CBFA2T3: variants seen among roughly 807,000 people sequenced by gnomAD.
The protein encoded by CBFA2T3 is CBFA2/RUNX1 partner transcriptional co-repressor 3.
In CBFA2T3, 31 loss-of-function variants were observed where a neutral mutation model predicts 58.6. The observed-to-expected ratio is 0.53, with a 90% CI of 0.40 to 0.71. The LOEUF is 0.71. Among genes scored for constraint, CBFA2T3 ranks in the 30% least tolerant of loss-of-function variants. The pLI, the probability that CBFA2T3 is intolerant of heterozygous loss-of-function variation, is 0.00. For missense variants in CBFA2T3, 1,076 were observed against 963.1 expected (o/e 1.12, Z -1.55); for synonymous variants, 531 against 421.9 (o/e 1.26, Z -3.17).
chr16:88,903,632 T>C (rs4995274), intron 1 of CBFA2T3, among the ~76,000 whole-genome samples: 52,931 of 131,032 alleles, frequency 0.4, 10,898 homozygotes, highest in African/African-American at 0.56. Flanking sequence ...TGTGGCAGGG[T>C]GTTCCTGTGG....
chr16:88,905,887 T>C (rs1014770803), intron 1 of CBFA2T3, among the ~76,000 whole-genome samples: 1 of 151,818 alleles, frequency 6.6e-6, no homozygotes, highest in African/African-American at 2.4e-5. Flanking sequence ...AGGAGACCCA[T>C]GGCTGCCCTG....
chr16:88,927,634 G>C (rs1312052461), intron 1 of CBFA2T3, among the ~76,000 whole-genome samples: 1 of 152,196 alleles, frequency 6.6e-6, no homozygotes. Context: ...CTGGGGCTAG[G>C]CTGCAGCTGT....
At position 88,876,854 on chromosome 16, in the gene CBFA2T3, A is replaced by G. The variant is rs1463378251; in HGVS notation, c.*122T>C. ...CAGTGACTAATTGGTCGGCTCCCCC[A>G]GGTCAGGCGGGGCGCAGTGTCTGGC... is the stretch of plus-strand genomic sequence containing the variant. On this transcript the variant is annotated 3_prime_UTR_variant, in exon 12 of 12. Coordinates refer to ENST00000268679, the MANE Select transcript of CBFA2T3 (RefSeq NM_005187.6). 2.6e-6 allele frequency: 2 copies of G among 759,264 alleles called. No homozygotes were observed. Among genetic ancestry groups the G allele is most frequent in the Non-Finnish European group, 3.9e-6 (2 of 514,894 alleles). The allele number at this position is 759,264 out of a possible 1,614,324, so 47.0% of individuals were successfully genotyped here. A position where few individuals can be genotyped will look rare whatever the true frequency, so the allele number is the denominator to read the frequency against.
chr16:88,975,505 C>T (rs4782487), intron 1 of CBFA2T3, among the ~76,000 whole-genome samples: 113,911 of 152,270 alleles, frequency 0.75, 44,039 homozygotes, highest in East Asian at 0.96. Flanking sequence ...AGGAAGCACC[C>T]GGCCCAAGGC....
At chr16:88,919,266 G>C (rs7190114) in intron 1 of CBFA2T3, among the ~76,000 whole-genome samples, 44 of 152,150 alleles carry the variant, frequency 2.9e-4, no homozygotes, top group African/African-American at 1.1e-3. Context: ...AATGGAAACC[G>C]GACACAGCAG....
Position 88,976,926 on chromosome 16 carries a change from C to T in CBFA2T3, c.-119G>A, listed in dbSNP as rs1385840634. On this transcript the variant is annotated 5_prime_UTR_variant, in exon 1 of 12. Coordinates refer to ENST00000268679, the MANE Select transcript of CBFA2T3 (RefSeq NM_005187.6). The stretch of plus-strand genomic sequence containing the variant: ...GAGGGGCTGGGCCAGCTGGGGCGTC[C>T]TGGAGTTGGGCCTCTGTCCCTGGAA... 2 of 1,295,760 alleles carry T rather than the reference C, an allele frequency of 1.5e-6. No individual in the cohort carries two copies. Among genetic ancestry groups the T allele is most frequent in the African/African-American group, 3.0e-5 (2 of 67,338 alleles). 80.3% of individuals were successfully genotyped at this position (1,295,760 alleles called of 1,614,324 possible).
rs532605585 is a variant in CBFA2T3 at position 88,882,730 on chromosome 16, G to A, written c.1149C>T (p.Ile383=). 3.0e-4 allele frequency: 482 copies of A among 1,588,870 alleles called. 8 individuals carry two copies. In the South Asian group the frequency reaches 4.3e-3, roughly 14 times the overall value. The change falls in exon 8 of 12, where the codon ATC becomes ATT. Residue 383 remains isoleucine, a synonymous_variant. Transcript: ENST00000268679. The part of the protein sequence containing the change: ...VVPGSRQEEV[I]DHKLTEREWA... ...ACTCACGCTCTGTGAGCTTGTGGTC[G>A]ATCACTTCTTCCTGCCGGGACCCAG...
At chr16:88,913,291 C>T (rs764893703) in intron 1 of CBFA2T3, among the ~76,000 whole-genome samples, 23 of 152,336 alleles carry the variant, frequency 1.5e-4, no homozygotes, top group South Asian at 1.4e-3. Context: ...CTGGACTGAC[C>T]GTGGCTGACC....
At position 88,876,973 on chromosome 16, in the gene CBFA2T3, G is replaced by A; in HGVS notation, c.*3C>T. The A allele has an allele frequency of 7.0e-7, 1 of 1,427,424 alleles. No individual in the cohort carries two copies. The highest frequency in any genetic ancestry group is 9.1e-7 in the Non-Finnish European group (1 of 1,096,240). The allele number at this position is 1,427,424 out of a possible 1,614,324, so 88.4% of individuals were successfully genotyped here. A position where few individuals can be genotyped will look rare whatever the true frequency, so the allele number is the denominator to read the frequency against. ...GTGTCCGGCAGGCCAGGGGCCAGTGGGGTCAGCGGGGCACGGTGTCCAGTG... is the reference window on the plus strand; with the variant it reads ...GTGTCCGGCAGGCCAGGGGCCAGTGAGGTCAGCGGGGCACGGTGTCCAGTG... On this transcript the variant is annotated 3_prime_UTR_variant, in exon 12 of 12. Coordinates refer to ENST00000268679, the MANE Select transcript of CBFA2T3 (RefSeq NM_005187.6).
intron 3 of CBFA2T3, among the ~76,000 whole-genome samples, chr16:88,896,475 A>G (rs910039305): frequency 6.6e-6 from 1 of 152,156 alleles, no homozygotes; most frequent in Admixed American, 6.5e-5. Context: ...ACGCTGACAC[A>G]GGATGCACCG....
intron 2 of CBFA2T3, among the ~76,000 whole-genome samples, chr16:88,899,604 C>A (rs1356332223): frequency 6.6e-6 from 1 of 152,128 alleles, no homozygotes; most frequent in African/African-American, 2.4e-5. Flanking sequence ...GCCCGACGCT[C>A]TGCTGATCCC....
chr16:88,891,977 G>A lies in CBFA2T3; in HGVS notation c.622-6C>T, dbSNP rs188155102. 4.3e-6 allele frequency: 7 copies of A among 1,611,120 alleles called. No homozygotes were observed. Among genetic ancestry groups the A allele is most frequent in the African/African-American group, 1.3e-5 (1 of 75,004 alleles). On this transcript the variant is annotated splice_region_variant and splice_polypyrimidine_tract_variant and intron_variant, in intron 4 of 11. Coordinates refer to ENST00000268679, the MANE Select transcript of CBFA2T3 (RefSeq NM_005187.6). ...TCGATCGTCAATGTCGAGTTCTGCA[G>A]GGGAGAAAACCCACCTCACATCAGC... is the stretch of plus-strand genomic sequence containing the variant.
intron 1 of CBFA2T3, among the ~76,000 whole-genome samples, chr16:88,974,576 T>C (rs1013372796): frequency 2.6e-5 from 4 of 152,192 alleles, no homozygotes; most frequent in African/African-American, 7.2e-5. Flanking sequence ...AGTACGCCTT[T>C]GGTCTAAAGA....
chr16:88,966,917 G>A (rs146636353), intron 1 of CBFA2T3, among the ~76,000 whole-genome samples: 83 of 152,338 alleles, frequency 5.4e-4, no homozygotes, highest in African/African-American at 1.9e-3. Context: ...TGGAAGCCCA[G>A]GATGAGAACT....
In CBFA2T3 at chr16:88,885,358, G is replaced by C; in HGVS notation, c.894-89C>G. 1.1e-6 allele frequency: 1 copy of C among 878,908 alleles called. No individual in the cohort carries two copies. Among genetic ancestry groups the C allele is most frequent in the Non-Finnish European group, 1.7e-6 (1 of 604,270 alleles). 54.4% of individuals were successfully genotyped at this position (878,908 alleles called of 1,614,324 possible). A position where few individuals can be genotyped will look rare whatever the true frequency, so the allele number is the denominator to read the frequency against. ...GGTGGGGTGAGAGGCAGACAGGCAA[G>C]GGCAGAGAGAAAGAGGACACGTAAG... On this transcript the variant is annotated intron_variant, in intron 6 of 11. Coordinates refer to ENST00000268679, the MANE Select transcript of CBFA2T3 (RefSeq NM_005187.6). This position sits in a 1 kb window ranked among gnomAD's most constrained non-coding sequence, Gnocchi z 5.3.
Position 88,905,590 on chromosome 16 carries a change from C to A in CBFA2T3, c.152-3934G>T, listed in dbSNP as rs545510230. 2.7e-3 allele frequency among the ~76,000 whole-genome samples: 406 copies of A among 151,328 alleles called. 1 individual carries two copies. Among genetic ancestry groups the A allele is most frequent in the African/African-American group, 9.0e-3 (372 of 41,138 alleles). On this transcript the variant is annotated intron_variant, in intron 1 of 11. Coordinates refer to ENST00000268679, the MANE Select transcript of CBFA2T3 (RefSeq NM_005187.6). Reference sequence around the variant, plus strand: ...AAATGCCTCTTTGGGTTCCCCCAGCCCCCGCTTAGGGGCTGGAGGAGAGCA... The same window carrying A: ...AAATGCCTCTTTGGGTTCCCCCAGCACCCGCTTAGGGGCTGGAGGAGAGCA...
rs964832242 is a variant in CBFA2T3 at position 88,958,643 on chromosome 16, G to A, written c.151+18014C>T. Reference sequence around the variant, plus strand: ...GGAGAAGCACAGTCGCCGCCCAGCAGCCCAGCACTACCTTTGGAGGGAGAC... The same window carrying A: ...GGAGAAGCACAGTCGCCGCCCAGCAACCCAGCACTACCTTTGGAGGGAGAC... On this transcript the variant is annotated intron_variant, in intron 1 of 11. Coordinates refer to ENST00000268679, the MANE Select transcript of CBFA2T3 (RefSeq NM_005187.6). The surrounding 1 kb of genome is among the most constrained non-coding windows in gnomAD (Gnocchi z 4.0). Among the ~76,000 whole-genome samples the A allele has an allele frequency of 1.3e-5, 2 of 152,110 alleles. No individual in the cohort carries two copies. The highest frequency in any genetic ancestry group is 4.8e-5 in the African/African-American group (2 of 41,416).
chr16:88,915,664 G>A (rs1388085565), intron 1 of CBFA2T3, among the ~76,000 whole-genome samples: 3 of 75,078 alleles, frequency 4.0e-5, no homozygotes, highest in Admixed American at 1.2e-4. Context: ...GAGCGTGGAC[G>A]GGGGAGTGTG....
At chr16:88,896,595 C>T (rs1969896069) in intron 3 of CBFA2T3, among the ~76,000 whole-genome samples, 1 of 152,166 alleles carries the variant, frequency 6.6e-6, no homozygotes, top group South Asian at 2.1e-4. Context: ...CTGTGACACA[C>T]ACACCCCGTC....
Sources: gnomAD v4.1 joint callset for allele counts (sites outside exome capture counted in the v4.1 genomes callset) on GRCh38, gnomAD v4.1.1 for gene constraint, Gnocchi (gnomAD v3.1) non-coding constraint, MANE v1.5 for transcripts, NCBI Gene and HGNC (gene_info 2026-07-23, HGNC 2026-07-21) for gene names.